The following OTUD7B variants were observed in gnomAD, a reference collection of about 807,000 sequenced individuals.
OTUD7B encodes OTU domain-containing protein 7B.
Under a neutral mutation model 82.2 loss-of-function variants are expected in OTUD7B, and 34 were observed. The observed-to-expected ratio is 0.41, with a 90% confidence interval of 0.31 to 0.55. The LOEUF is 0.55. OTUD7B is among the 20% of genes least tolerant of loss of function. OTUD7B has a pLI of 0.20. For missense variants in OTUD7B, 944 were observed against 1,062.1 expected, an observed-to-expected ratio of 0.89 and a Z score of 1.55; for synonymous variants, 398 against 402.7, an observed-to-expected ratio of 0.99 and a Z score of 0.14.
the OTUD7B span, among the ~76,000 whole-genome samples, chr1:150,022,426 A>ATC: frequency 1.2e-3 from 116 of 100,808 alleles, 46 homozygotes; most frequent in Admixed American, 1.4e-3. Flanking sequence ...AAAAAAAATA[A>ATC]CTACATGCTG....
chr1:150,013,934 A>T (rs1240840734), upstream of OTUD7B, among the ~76,000 whole-genome samples: 1,870 of 23,498 alleles, frequency 0.08, 84 homozygotes, highest in Non-Finnish European at 0.1. Flanking sequence ...AAAAAAAAAA[A>T]ATAATATATA....
the OTUD7B span, among the ~76,000 whole-genome samples, chr1:150,066,127 T>C: frequency 1.3e-5 from 2 of 152,216 alleles, no homozygotes; most frequent in Non-Finnish European, 2.9e-5. The surrounding 1 kb of genome is among the most constrained non-coding windows in gnomAD (Gnocchi z 4.6). Flanking sequence ...AAATCTTCTA[T>C]ACTGCAATCT....
At chr1:150,000,490 A>AAAACAAAC (rs1215234454) in intron 1 of OTUD7B, among the ~76,000 whole-genome samples, 1 of 151,794 alleles carries the variant, frequency 6.6e-6, no homozygotes. Context: ...AAGAAAACAA[A>AAAACAAAC]AAACAAACAA....
chr1:149,951,691 T>C (rs1287837076), intron 7 of OTUD7B, among the ~76,000 whole-genome samples: 1 of 152,240 alleles, frequency 6.6e-6, no homozygotes, highest in Non-Finnish European at 1.5e-5. Context: ...ACTGGACTTT[T>C]CTGGGGTGGA....
the OTUD7B span, among the ~76,000 whole-genome samples, chr1:150,066,453 C>A: frequency 2.0e-5 from 3 of 151,996 alleles, no homozygotes; most frequent in Non-Finnish European, 2.9e-5. This position sits in a 1 kb window ranked among gnomAD's most constrained non-coding sequence, Gnocchi z 4.6. Flanking sequence ...ATATTCTTCA[C>A]AATTTCAGAG....
chr1:149,945,089 G>A, intron 11 of OTUD7B, 24 bp from the exon 12 acceptor site: 3 of 1,602,194 alleles, frequency 1.9e-6, no homozygotes, highest in Non-Finnish European at 2.6e-6. Flanking sequence ...GAACACTGTT[G>A]ACAGTTATCC....
At chr1:150,038,211 A>G in the OTUD7B span, among the ~76,000 whole-genome samples, 3 of 152,108 alleles carry the variant, frequency 2.0e-5, no homozygotes, top group Non-Finnish European at 4.4e-5. Context: ...TGACACATTT[A>G]AATGAGTTAT....
chr1:149,999,523 C>T (rs1196507740), intron 1 of OTUD7B, among the ~76,000 whole-genome samples: 2 of 152,154 alleles, frequency 1.3e-5, no homozygotes, highest in African/African-American at 4.8e-5. Flanking sequence ...GAGGCAAAAG[C>T]AGATGCTCAC....
chr1:150,009,966 C>T (rs1355168236), intron 1 of OTUD7B, among the ~76,000 whole-genome samples: 1 of 152,128 alleles, frequency 6.6e-6, no homozygotes, highest in Non-Finnish European at 1.5e-5. Flanking sequence ...AACACACACA[C>T]ACACCTTTTT....
intron 6 of OTUD7B, 30 bp from the exon 7 acceptor site, chr1:149,959,826 G>T: frequency 1.4e-6 from 2 of 1,435,330 alleles, no homozygotes; most frequent in Non-Finnish European, 9.8e-7. Flanking sequence ...GGGACATTGG[G>T]CAATTAGAGG....
chr1:149,999,513 G>C (rs759819003), intron 1 of OTUD7B, among the ~76,000 whole-genome samples: 1 of 152,146 alleles, frequency 6.6e-6, no homozygotes, highest in Non-Finnish European at 1.5e-5. Context: ...CAGTTCAAGG[G>C]AGGCAAAAGC....
At chr1:149,979,878 T>C (rs1459576625) in intron 1 of OTUD7B, among the ~76,000 whole-genome samples, 2 of 152,126 alleles carry the variant, frequency 1.3e-5, no homozygotes, top group Non-Finnish European at 2.9e-5. Flanking sequence ...TACACATGAA[T>C]AATCCAAAAC....
At chr1:150,025,752 T>C in the OTUD7B span, among the ~76,000 whole-genome samples, 1 of 152,152 alleles carries the variant, frequency 6.6e-6, no homozygotes, top group Non-Finnish European at 1.5e-5. Context: ...ACAAATACAT[T>C]ATGTCTAATA....
At chr1:149,968,574 T>C (rs183048912) in intron 3 of OTUD7B, among the ~76,000 whole-genome samples, 85 of 152,346 alleles carry the variant, frequency 5.6e-4, no homozygotes, top group Admixed American at 4.3e-3. Context: ...GATTTAATGA[T>C]GATCCAAAGG....
chr1:149,959,246 A>G (rs1553775183), intron 7 of OTUD7B, among the ~76,000 whole-genome samples: 3 of 114,926 alleles, frequency 2.6e-5, no homozygotes, highest in Admixed American at 8.6e-5. Flanking sequence ...AAAAGAAAGA[A>G]AAAGAAAGGG....
the OTUD7B span, among the ~76,000 whole-genome samples, chr1:150,061,012 A>G: frequency 6.6e-6 from 1 of 151,814 alleles, no homozygotes. Flanking sequence ...CCTCAAGCTC[A>G]TCGCACCCGG....
At position 149,967,392 on chromosome 1, in the gene OTUD7B, A is replaced by G; in HGVS notation, c.404T>C (p.Phe135Ser). Residue 135 changes from phenylalanine (F) to serine (S), a missense_variant, in exon 4 of 12, where the codon TTC becomes TCC. By Grantham distance (155) the Phe-to-Ser change is radical (BLOSUM62 -2). Around this residue, in one of 3 missense-constraint regions of OTUD7B, gnomAD observed 530 missense variants for 625.6 expected, o/e 0.85. Coordinates refer to ENST00000581312, the MANE Select transcript of OTUD7B (RefSeq NM_020205.4). Reference protein sequence around the residue: ...EHPLEMPICAFQLPDLTVYNE... With the variant: ...EHPLEMPICASQLPDLTVYNE... ...GTATACAGTGAGATCTGGAAGCTGGAAGGCACAGATGGGCATTTCCAGGGG... is the reference window on the plus strand; with the variant it reads ...GTATACAGTGAGATCTGGAAGCTGGGAGGCACAGATGGGCATTTCCAGGGG... 1 of 1,614,168 alleles carries G rather than the reference A, an allele frequency of 6.2e-7. No homozygotes were observed. Among genetic ancestry groups the G allele is most frequent in the Non-Finnish European group, 8.5e-7 (1 of 1,180,002 alleles).
the OTUD7B span, among the ~76,000 whole-genome samples, chr1:150,026,259 T>C: frequency 6.6e-6 from 1 of 152,248 alleles, no homozygotes; most frequent in Non-Finnish European, 1.5e-5. Flanking sequence ...GCATTATTTA[T>C]TCTGGGTGGC....
At chr1:150,013,004 G>C (rs1653142959), upstream of OTUD7B, among the ~76,000 whole-genome samples, 1 of 152,218 alleles carries the variant, frequency 6.6e-6, no homozygotes, top group African/African-American at 2.4e-5. Context: ...TTCTTCTCTA[G>C]TGATATGCAG....
Sources: gnomAD v4.1 joint callset for allele counts (sites outside exome capture counted in the v4.1 genomes callset) on GRCh38, gnomAD v4.1.1 for gene constraint, gnomAD v4.1.1 regional missense constraint, Gnocchi (gnomAD v3.1) non-coding constraint, MANE v1.5 for transcripts, NCBI Gene and HGNC (gene_info 2026-07-23, HGNC 2026-07-21) for gene names.